Variants in ANKRD30BL observed in about 807,000 individuals in gnomAD.
The protein encoded by ANKRD30BL is putative ankyrin repeat domain-containing protein 30B-like.
ANKRD30BL carries 20 observed loss-of-function variants against 18.4 expected under a neutral mutation model. The ratio of observed to expected loss-of-function variants is 1.09; its 90% CI spans 0.77 to 1.58. ANKRD30BL has a LOEUF of 1.58. Among genes scored for constraint, ANKRD30BL ranks in the 40% most tolerant of loss-of-function variants. The pLI is 0.00. For missense variants in ANKRD30BL, 224 were observed against 268.6 expected (o/e 0.83, Z 1.16); for synonymous variants, 72 against 100.9 (o/e 0.71, Z 1.72).
intron 1 of ANKRD30BL, among the ~76,000 whole-genome samples, chr2:132,172,677 T>C (rs1187827583): frequency 6.6e-6 from 1 of 152,050 alleles, no homozygotes; most frequent in Non-Finnish European, 1.5e-5. Context: ...CATCTCCCAT[T>C]CTTTGAGTTG....
intron 1 of ANKRD30BL, among the ~76,000 whole-genome samples, chr2:132,172,271 AT>A (rs1688295908): frequency 6.6e-6 from 1 of 152,158 alleles, no homozygotes; most frequent in South Asian, 2.1e-4. Flanking sequence ...TAGTAGTTCT[AT>A]GTCTAACTTT....
chr2:132,216,215 C>CAAA (rs1679494352), intron 1 of ANKRD30BL, among the ~76,000 whole-genome samples: 1 of 150,826 alleles, frequency 6.6e-6, no homozygotes, highest in Non-Finnish European at 1.5e-5. Context: ...AGAATTCTGA[C>CAAA]AAACTTCTTT....
chr2:132,169,676 A>G (rs2104940150), intron 1 of ANKRD30BL, among the ~76,000 whole-genome samples: 1 of 149,338 alleles, frequency 6.7e-6, no homozygotes, highest in African/African-American at 2.5e-5. Context: ...AAAGAGGTGA[A>G]TGGTTTAGGA....
At chr2:132,242,779 G>T (rs533521543) in intron 1 of ANKRD30BL, among the ~76,000 whole-genome samples, 2 of 150,722 alleles carry the variant, frequency 1.3e-5, no homozygotes, top group Admixed American at 1.3e-4. Context: ...ACTCACAGAC[G>T]TGAACCTTTC....
chr2:132,208,262 A>T (rs1573841799), intron 1 of ANKRD30BL, among the ~76,000 whole-genome samples: 1 of 152,122 alleles, frequency 6.6e-6, no homozygotes, highest in Non-Finnish European at 1.5e-5. Context: ...AATATGTTTT[A>T]TGTTGCCTCT....
intron 1 of ANKRD30BL, among the ~76,000 whole-genome samples, chr2:132,226,937 A>G (rs1029894359): frequency 2.6e-5 from 4 of 151,474 alleles, no homozygotes; most frequent in Non-Finnish European, 4.4e-5. Context: ...ACAGAGTTAA[A>G]CCTTTGTTTT....
At chr2:132,153,734 C>G (rs748535592) in intron 4 of ANKRD30BL, 16 of 984,332 alleles carry the variant, frequency 1.6e-5, no homozygotes, top group Non-Finnish European at 2.4e-5. Context: ...TAGGAACGAA[C>G]GAATTTAATA....
chr2:132,255,109 A>G (rs1680792032), intron 1 of ANKRD30BL, among the ~76,000 whole-genome samples: 1 of 152,242 alleles, frequency 6.6e-6, no homozygotes, highest in Admixed American at 6.5e-5. Flanking sequence ...ACACCGCCAC[A>G]TCGCCAGTTG....
intron 1 of ANKRD30BL, among the ~76,000 whole-genome samples, chr2:132,195,870 G>A (rs1678956530): frequency 6.6e-6 from 1 of 151,128 alleles, no homozygotes; most frequent in African/African-American, 2.4e-5. Flanking sequence ...CGTCGAGTGT[G>A]GTGGCTCACT....
At chr2:132,226,508 AT>A (rs1203468673) in intron 1 of ANKRD30BL, among the ~76,000 whole-genome samples, 3 of 151,620 alleles carry the variant, frequency 2.0e-5, no homozygotes, top group African/African-American at 7.3e-5. Flanking sequence ...GACCTATGTT[AT>A]AAAAGGAAAT....
intron 1 of ANKRD30BL, among the ~76,000 whole-genome samples, chr2:132,180,822 T>C (rs1277762694): frequency 6.6e-6 from 1 of 152,088 alleles, no homozygotes; most frequent in Non-Finnish European, 1.5e-5. Context: ...ATCTTTAACA[T>C]AAAATTATAA....
chr2:132,161,765 CCGCCGCT>C lies in ANKRD30BL; in HGVS notation c.-67_-61del. The C allele has an allele frequency of 1.3e-6, 1 of 760,740 alleles. No individual in the cohort carries two copies. 47.1% of individuals were successfully genotyped at this position (760,740 alleles called of 1,614,324 possible). ...CCCGCTGCTCGCCCTTCCCCAGTCC[CCGCCGCT>C]CGCCCTCGCCCTTCTTCAGTCCCTG... On this transcript the variant is annotated 5_prime_UTR_variant, in exon 1 of 6. Transcript: ENST00000409867.
In ANKRD30BL at chr2:132,215,191, G is replaced by A. The variant is rs1573850986; in HGVS notation, n.441+42338C>T. On this transcript the variant is annotated intron_variant and non_coding_transcript_variant, in intron 1 of 4. Transcript: ENST00000470729. ...TGGAAAAGGAAACATCTTCACATAA[G>A]CACTAGACAGAAGCATTCTGAGAAA... Among the ~76,000 whole-genome samples, 4 of 150,576 alleles carry A rather than the reference G, an allele frequency of 2.7e-5. No individual in the cohort carries two copies. The South Asian group carries it at 6.3e-4, about 24-fold the overall frequency.
chr2:132,181,295 G>A (rs143422822), intron 1 of ANKRD30BL, among the ~76,000 whole-genome samples: 1 of 151,878 alleles, frequency 6.6e-6, no homozygotes, highest in East Asian at 1.9e-4. Context: ...GCAACATGGC[G>A]AAACCCCGTC....
At chr2:132,222,344 G>T (rs538896693) in intron 1 of ANKRD30BL, among the ~76,000 whole-genome samples, 1 of 152,308 alleles carries the variant, frequency 6.6e-6, no homozygotes, top group South Asian at 2.1e-4. Context: ...GTGCCCAGCG[G>T]CTCACTGGGG....
upstream of ANKRD30BL, among the ~76,000 whole-genome samples, chr2:132,166,531 G>A (rs1180056215): frequency 1.3e-5 from 2 of 151,998 alleles, no homozygotes; most frequent in African/African-American, 4.8e-5. Flanking sequence ...TTGGCATATT[G>A]TGTCTTTCAA....
intron 1 of ANKRD30BL, among the ~76,000 whole-genome samples, chr2:132,228,615 G>A (rs1679911065): frequency 6.6e-6 from 1 of 150,998 alleles, no homozygotes. Context: ...ATAGAAACTA[G>A]ACAGAAAAAT....
At chr2:132,182,336 G>A (rs562134265) in intron 1 of ANKRD30BL, among the ~76,000 whole-genome samples, 2 of 151,834 alleles carry the variant, frequency 1.3e-5, no homozygotes, top group African/African-American at 4.8e-5. Flanking sequence ...CAAAAAATTA[G>A]CCAGGTGTGG....
intron 1 of ANKRD30BL, among the ~76,000 whole-genome samples, chr2:132,195,788 CAAAAAAAA>C (rs1205804103): frequency 1.4e-4 from 7 of 48,672 alleles, no homozygotes; most frequent in Non-Finnish European, 1.9e-4. Context: ...GAGCCTCTGC[CAAAAAAAA>C]AAAAAAAAAA....
Sources: gnomAD v4.1 joint callset for allele counts (sites outside exome capture counted in the v4.1 genomes callset) on GRCh38, gnomAD v4.1.1 for gene constraint, MANE v1.5 for transcripts, NCBI Gene and HGNC (gene_info 2026-07-23, HGNC 2026-07-21) for gene names.